Variants in AGGF1 observed in about 807,000 individuals in gnomAD.
AGGF1 encodes angiogenic factor with G-patch and FHA domains 1, also known as angiogenic factor with G patch and FHA domains 1.
In AGGF1, 56 loss-of-function variants were observed where a neutral mutation model predicts 86.5. The ratio of observed to expected loss-of-function variants is 0.65; its 90% CI spans 0.52 to 0.81. AGGF1 has a LOEUF of 0.81. Ranked by LOEUF, AGGF1 falls within the 30% of genes least tolerant of loss-of-function variation. The pLI, the probability that AGGF1 is intolerant of heterozygous loss-of-function variation, is 0.00. For synonymous variants in AGGF1, 313 were observed against 297.1 expected, an observed-to-expected ratio of 1.05 and a Z score of -0.55; for missense variants, 816 against 850.9, an observed-to-expected ratio of 0.96 and a Z score of 0.51.
At chr5:77,060,319 A>G (rs1747535215) in intron 12 of AGGF1, among the ~76,000 whole-genome samples, 1 of 152,242 alleles carries the variant, frequency 6.6e-6, no homozygotes, top group African/African-American at 2.4e-5. Context: ...AGTTGAGTGT[A>G]TATACTTTTA....
Position 77,035,723 on chromosome 5 carries a change from C to A in AGGF1, c.496C>A (p.His166Asn), listed in dbSNP as rs148961467. The A allele has an allele frequency of 2.5e-6, 4 of 1,613,374 alleles. No homozygotes were observed. The highest frequency in any genetic ancestry group is 1.7e-5 in the Admixed American group (1 of 59,994). Reference protein sequence around the residue: ...TENVKYRQVDHFASNSQEPAS... With the variant: ...TENVKYRQVDNFASNSQEPAS... ...AAATGTTAAATATAGACAAGTGGAC[C>A]ATTTTGCCTCAAATTCACAGGTAAT... The change falls in exon 3 of 14, where the codon CAT becomes AAT. Residue 166 changes from histidine (H) to asparagine (N), a missense_variant. His to Asn is a moderately conservative substitution (Grantham distance 68). Around this residue, in one of 3 missense-constraint regions of AGGF1, gnomAD observed 240 missense variants for 234.4 expected, o/e 1.02. Transcript: ENST00000312916.
chr5:77,043,509 G>T (rs1747174408), intron 5 of AGGF1, among the ~76,000 whole-genome samples: 1 of 143,904 alleles, frequency 6.9e-6, no homozygotes, highest in African/African-American at 2.6e-5. Flanking sequence ...CTCCCTCCCG[G>T]ACGGGGCGGC....
chr5:77,038,043 T>C (rs898485617), intron 4 of AGGF1, among the ~76,000 whole-genome samples: 1 of 152,184 alleles, frequency 6.6e-6, no homozygotes, highest in African/African-American at 2.4e-5. Context: ...TACACAAAAG[T>C]GGAGTTGACG....
chr5:77,037,759 G>A (rs553541485), intron 4 of AGGF1, among the ~76,000 whole-genome samples: 1 of 152,322 alleles, frequency 6.6e-6, no homozygotes, highest in Non-Finnish European at 1.5e-5. Context: ...CTAGGTGACA[G>A]AGTGAGACCC....
At chr5:77,038,951 C>T (rs377627948) in intron 4 of AGGF1, among the ~76,000 whole-genome samples, 339 of 152,218 alleles carry the variant, frequency 2.2e-3, no homozygotes, top group Middle Eastern at 0.01. Context: ...TTAGTGGAGA[C>T]AGTTTATTGA....
At chr5:77,059,895 G>A in intron 12 of AGGF1, 152 bp downstream of exon 12, 1 of 1,003,994 alleles carries the variant, frequency 1.0e-6, no homozygotes, top group Non-Finnish European at 1.5e-6. Flanking sequence ...AGGCTGGAGT[G>A]CAGTGGTGTG....
intron 5 of AGGF1, among the ~76,000 whole-genome samples, chr5:77,045,946 A>T (rs1747239783): frequency 6.6e-6 from 1 of 152,224 alleles, no homozygotes; most frequent in Middle Eastern, 3.2e-3. Flanking sequence ...AAAAGTACAA[A>T]TATGGTTTGT....
intron 5 of AGGF1, among the ~76,000 whole-genome samples, chr5:77,044,690 C>T (rs1008893632): frequency 2.6e-5 from 4 of 152,102 alleles, no homozygotes; most frequent in African/African-American, 9.7e-5. Flanking sequence ...AATGTAAAAG[C>T]TCCTCATGGT....
intron 5 of AGGF1, among the ~76,000 whole-genome samples, chr5:77,042,765 A>ACC (rs1178794125): frequency 6.4e-4 from 11 of 17,248 alleles, no homozygotes; most frequent in African/African-American, 1.6e-3. Context: ...AGGGGGGCTG[A>ACC]CCCCCCCCAC....
chr5:77,060,386 T>C (rs1021772478), intron 12 of AGGF1, among the ~76,000 whole-genome samples: 4 of 152,212 alleles, frequency 2.6e-5, no homozygotes, highest in Non-Finnish European at 4.4e-5. Context: ...CTGGTATTTT[T>C]TAATAATTCT....
intron 13 of AGGF1, 56 bp from the exon 14 acceptor site, chr5:77,062,996 A>G: frequency 6.3e-7 from 1 of 1,582,692 alleles, no homozygotes; most frequent in Non-Finnish European, 8.7e-7. Flanking sequence ...TGGACACAGC[A>G]GATTTCAATG....
chr5:77,046,686 A>G lies in AGGF1; in HGVS notation c.1201+9A>G. The G allele has an allele frequency of 6.2e-7, 1 of 1,612,182 alleles. No individual in the cohort carries two copies. Among genetic ancestry groups the G allele is most frequent in the Non-Finnish European group, 8.5e-7 (1 of 1,178,452 alleles). ...AGATAGTGAGGATGAAGGTGAGTAA[A>G]TAATCATTATTTAAGTAAATAGCCC... On this transcript the variant is annotated intron_variant, in intron 6 of 13. Coordinates refer to ENST00000312916, the MANE Select transcript of AGGF1 (RefSeq NM_018046.5).
In AGGF1 at chr5:77,030,752, C is replaced by T. The variant is rs748573738; in HGVS notation, c.-15C>T. The T allele has an allele frequency of 1.2e-5, 19 of 1,558,750 alleles. No homozygotes were observed. The highest frequency in any genetic ancestry group is 2.3e-5 in the East Asian group (1 of 42,584). The stretch of plus-strand genomic sequence containing the variant: ...CAGCCCCTCCGCGGCGACGAGCAGT[C>T]TCGCGCCGGAGCTCATGGCCTCGGA... On this transcript the variant is annotated 5_prime_UTR_variant, in exon 1 of 14. Transcript: ENST00000312916.
intron 5 of AGGF1, among the ~76,000 whole-genome samples, chr5:77,041,796 T>TTTTTTTTTTTTTTTTTTTTA (rs746387716): frequency 7.7e-6 from 1 of 129,814 alleles, no homozygotes; most frequent in African/African-American, 2.7e-5. Context: ...TTTATTTATT[T>TTTTTTTTTTTTTTTTTTTTA]ATTTATTTAT....
At chr5:77,053,862 T>A in intron 9 of AGGF1, 103 bp from the exon 10 acceptor site, 1 of 1,180,078 alleles carries the variant, frequency 8.5e-7, no homozygotes, top group South Asian at 1.3e-5. Flanking sequence ...ATAGCTATTT[T>A]AAATATATTT....
intron 11 of AGGF1, 79 bp from the exon 12 acceptor site, chr5:77,059,537 C>T (rs76115441): frequency 0.014 from 17,789 of 1,277,740 alleles, 172 homozygotes; most frequent in Non-Finnish European, 0.018. Context: ...GAATCATATT[C>T]GTTAAGTAAG....
chr5:77,046,358 A>G lies in AGGF1; in HGVS notation c.882A>G (p.Ser294=), dbSNP rs1210794241. The G allele has an allele frequency of 2.5e-6, 4 of 1,613,636 alleles. No individual in the cohort carries two copies. The highest frequency in any genetic ancestry group is 1.1e-5 in the South Asian group (1 of 91,070). The change falls in exon 6 of 14, where the codon TCA becomes TCG. Residue 294 remains serine (S), a synonymous_variant. Coordinates refer to ENST00000312916, the MANE Select transcript of AGGF1 (RefSeq NM_018046.5). ...SATNEEKDLN[S]EDQKAFSVEH... ...CCACCCTTCTCCAGGATTTGAACTC[A>G]GAGGATCAAAAAGCCTTCAGTGTTG...
Position 77,065,047 on chromosome 5 carries a change from A to G in AGGF1, c.*1795A>G, listed in dbSNP as rs1241207748. 1 of 152,212 alleles carries G rather than the reference A, an allele frequency of 6.6e-6. No homozygotes were observed. Among genetic ancestry groups the G allele is most frequent in the African/African-American group, 2.4e-5 (1 of 41,450 alleles). 9.4% of individuals were successfully genotyped at this position (152,212 alleles called of 1,614,324 possible). ...AAAGTACTGAATAATGTCTGGGTCT[A>G]TTTCCATCTGTAAAATAAGAATATT... On this transcript the variant is annotated 3_prime_UTR_variant, in exon 14 of 14. Transcript: ENST00000312916.
At position 77,030,937 on chromosome 5, in the gene AGGF1, C is replaced by T. The variant is rs757539442; in HGVS notation, c.171C>T (p.Tyr57=). ...EKLLHHTERL[Y]QNAESNNQEL... ...TGCTGCATCACACAGAACGGCTGTACCAGAACGCAGAAAGCAACAACCAGG... is the reference window on the plus strand; with the variant it reads ...TGCTGCATCACACAGAACGGCTGTATCAGAACGCAGAAAGCAACAACCAGG... The change falls in exon 1 of 14, where the codon TAC becomes TAT. Residue 57 remains tyrosine, a synonymous_variant. Transcript: ENST00000312916. 2 of 1,613,048 alleles carry T rather than the reference C, an allele frequency of 1.2e-6. No individual in the cohort carries two copies. The highest frequency in any genetic ancestry group is 1.1e-5 in the South Asian group (1 of 91,080).
Sources: allele counts gnomAD v4.1 joint callset (sites outside exome capture counted in the v4.1 genomes callset), GRCh38; gene constraint gnomAD v4.1.1; regional missense constraint gnomAD v4.1.1; transcripts MANE v1.5; gene names NCBI Gene and HGNC (gene_info 2026-07-23, HGNC 2026-07-21).